The following SLC35F4 variants were observed in gnomAD, a reference collection of about 807,000 sequenced individuals.
SLC35F4 encodes chromosome 14 open reading frame 36.
SLC35F4 carries 24 observed loss-of-function variants against 44.2 expected under a neutral mutation model. The observed-to-expected ratio is 0.54, with a 90% CI of 0.39 to 0.76. The LOEUF (loss-of-function observed/expected upper bound fraction) is 0.76, where lower values mean the gene tolerates loss of function less well. Ranked by LOEUF, SLC35F4 falls within the 30% of genes least tolerant of loss-of-function variation. The pLI, the probability that SLC35F4 is intolerant of heterozygous loss-of-function variation, is 0.00. For synonymous variants in SLC35F4, 238 were observed against 223.6 expected (o/e 1.06, Z -0.57); for missense variants, 562 against 586.1 (o/e 0.96, Z 0.42).
At chr14:57,701,070 C>T (rs1396232663) in intron 1 of SLC35F4, among the ~76,000 whole-genome samples, 1 of 152,166 alleles carries the variant, frequency 6.6e-6, no homozygotes, top group Non-Finnish European at 1.5e-5. Context: ...CTCCTGGGTT[C>T]AAGCAGTACT....
At chr14:57,709,014 T>G (rs2075749352) in intron 1 of SLC35F4, among the ~76,000 whole-genome samples, 1 of 152,124 alleles carries the variant, frequency 6.6e-6, no homozygotes, top group Non-Finnish European at 1.5e-5. Context: ...GAGCCAGGTG[T>G]ATAGGATGGA....
chr14:57,572,955 A>T (rs2068588529), intron 4 of SLC35F4, among the ~76,000 whole-genome samples: 1 of 146,548 alleles, frequency 6.8e-6, no homozygotes, highest in Non-Finnish European at 1.5e-5. Flanking sequence ...TAAAATCCAG[A>T]TGAAAATTGG....
At chr14:57,924,649 G>T (rs1989489) in intron 1 of SLC35F4, among the ~76,000 whole-genome samples, 2 of 151,718 alleles carry the variant, frequency 1.3e-5, no homozygotes, top group African/African-American at 2.4e-5. Context: ...GGGTTTCACC[G>T]TGTTAGCCAG....
intron 1 of SLC35F4, among the ~76,000 whole-genome samples, chr14:57,955,341 G>A (rs1466307198): frequency 6.6e-6 from 1 of 152,168 alleles, no homozygotes; most frequent in Non-Finnish European, 1.5e-5. Context: ...GTATCATACT[G>A]AATGGGCAAA....
At chr14:57,581,776 G>A (rs1329579470) in intron 3 of SLC35F4, among the ~76,000 whole-genome samples, 1 of 152,226 alleles carries the variant, frequency 6.6e-6, no homozygotes, top group African/African-American at 2.4e-5. Context: ...TTGGAAGAGG[G>A]TGGGCAAACG....
chr14:57,588,352 T>C (rs1015447844), intron 3 of SLC35F4, among the ~76,000 whole-genome samples: 3 of 133,574 alleles, frequency 2.2e-5, no homozygotes, highest in African/African-American at 8.4e-5. Context: ...TCCACTGGTG[T>C]CCCTATTTTT....
intron 1 of SLC35F4, among the ~76,000 whole-genome samples, chr14:57,823,706 TA>T: frequency 6.6e-6 from 1 of 152,328 alleles, no homozygotes; most frequent in South Asian, 2.1e-4. Context: ...TCTTAATAGA[TA>T]GGTGTTTATT....
At chr14:57,600,672 A>T (rs2070763798) in intron 1 of SLC35F4, among the ~76,000 whole-genome samples, 1 of 104,978 alleles carries the variant, frequency 9.5e-6, no homozygotes, top group African/African-American at 3.5e-5. Context: ...AGCCTGGGCG[A>T]CAGAGCAAGA....
rs144329902 is a variant in SLC35F4 at position 57,886,539 on chromosome 14, G to T, written n.282+95374C>A. 5.3e-4 allele frequency among the ~76,000 whole-genome samples: 81 copies of T among 152,270 alleles called. No individual in the cohort carries two copies. The East Asian group carries it at 6.6e-3, about 12-fold the overall frequency. On this transcript the variant is annotated intron_variant and non_coding_transcript_variant, in intron 1 of 1. Coordinates refer to the SLC35F4 transcript ENST00000556568. ...ATATCCCTATTCTTCTAAATAGCAG[G>T]AAAGGCATAGAAAGAAAGAGGAATT... is the stretch of plus-strand genomic sequence containing the variant.
At chr14:57,638,590 C>G (rs1398180974) in intron 1 of SLC35F4, among the ~76,000 whole-genome samples, 3 of 152,070 alleles carry the variant, frequency 2.0e-5, no homozygotes, top group Non-Finnish European at 4.4e-5. Flanking sequence ...CAGGGTGAAC[C>G]CTTTAAAGAA....
intron 1 of SLC35F4, among the ~76,000 whole-genome samples, chr14:57,716,179 G>A (rs2075935958): frequency 6.6e-6 from 1 of 152,138 alleles, no homozygotes. Context: ...CATTAGGGGA[G>A]GGGGCATGGA....
chr14:57,949,455 T>C (rs1400778886), intron 1 of SLC35F4, among the ~76,000 whole-genome samples: 1 of 152,158 alleles, frequency 6.6e-6, no homozygotes, highest in Non-Finnish European at 1.5e-5. Context: ...AGACAGCAGA[T>C]ACTTGGTTGG....
intron 5 of SLC35F4, among the ~76,000 whole-genome samples, chr14:57,571,400 G>C (rs1388943680): frequency 1.3e-5 from 2 of 152,186 alleles, no homozygotes; most frequent in African/African-American, 4.8e-5. Flanking sequence ...GTGGCATGGG[G>C]TTAATATGTG....
chr14:57,798,114 C>G (rs1217888518), intron 1 of SLC35F4, among the ~76,000 whole-genome samples: 1 of 118,478 alleles, frequency 8.4e-6, no homozygotes, highest in Non-Finnish European at 1.7e-5. Context: ...GCCCACAGAC[C>G]CACGAGCAAA....
At chr14:57,973,370 G>A (rs1044309715), downstream of SLC35F4, among the ~76,000 whole-genome samples, 16 of 152,118 alleles carry the variant, frequency 1.1e-4, no homozygotes, top group South Asian at 2.1e-4. Flanking sequence ...AGGTTTCCTC[G>A]TCTCAAGAAG....
intron 1 of SLC35F4, among the ~76,000 whole-genome samples, chr14:57,664,471 C>T (rs148856558): frequency 5.9e-5 from 9 of 152,194 alleles, no homozygotes; most frequent in East Asian, 3.9e-4. Flanking sequence ...TACATTGGCA[C>T]GATCTCGGCT....
chr14:57,786,639 C>T (rs1198675394), intron 1 of SLC35F4, among the ~76,000 whole-genome samples: 1 of 152,174 alleles, frequency 6.6e-6, no homozygotes, highest in East Asian at 1.9e-4. Flanking sequence ...GGTAGACTCA[C>T]TGAGTGGCTA....
chr14:57,974,897 C>G (rs867203276), downstream of SLC35F4, among the ~76,000 whole-genome samples: 3 of 152,148 alleles, frequency 2.0e-5, no homozygotes, highest in African/African-American at 7.2e-5. Context: ...AAAATATTTC[C>G]TAACCCTAGC....
chr14:57,841,684 G>T lies in SLC35F4; in HGVS notation c.103+24039C>A, dbSNP rs567338475. 1.1e-4 allele frequency among the ~76,000 whole-genome samples: 16 copies of T among 152,254 alleles called. No homozygotes were observed. The South Asian group carries it at 1.5e-3, about 14-fold the overall frequency. ...GACTATGGTGAAGTGCAAATCTACA[G>T]GTGAAGGTCAAATGCTTAAATTTGG... On this transcript the variant is annotated intron_variant, in intron 1 of 7. Coordinates refer to ENST00000556826, the MANE Select transcript of SLC35F4 (RefSeq NM_001306087.2).
Sources: allele counts gnomAD v4.1 joint callset (sites outside exome capture counted in the v4.1 genomes callset), GRCh38; gene constraint gnomAD v4.1.1; transcripts MANE v1.5; gene names NCBI Gene and HGNC (gene_info 2026-07-23, HGNC 2026-07-21).